The following AFG2A variants were observed in gnomAD, a reference collection of about 807,000 sequenced individuals.
AFG2A encodes ATPase family gene 2 protein homolog A.
chr4:123,006,250 A>G, the AFG2A span, among the ~76,000 whole-genome samples: 1 of 151,290 alleles, frequency 6.6e-6, no homozygotes, highest in African/African-American at 2.4e-5. Flanking sequence ...ATTTTTTTTG[A>G]AAAGAAATCT....
chr4:122,962,823 T>G, the AFG2A span, among the ~76,000 whole-genome samples: 2 of 152,216 alleles, frequency 1.3e-5, no homozygotes, highest in African/African-American at 4.8e-5. Flanking sequence ...TTAAAAAAAT[T>G]AACTACTTTC....
chr4:123,179,768 C>G, the AFG2A span, among the ~76,000 whole-genome samples: 1 of 152,146 alleles, frequency 6.6e-6, no homozygotes, highest in Non-Finnish European at 1.5e-5. Context: ...AATATCATCC[C>G]TTTGACAATA....
the AFG2A span, among the ~76,000 whole-genome samples, chr4:123,094,112 A>G: frequency 6.6e-6 from 1 of 152,174 alleles, no homozygotes; most frequent in Non-Finnish European, 1.5e-5. Context: ...GGTCCTTAAC[A>G]ATACCTGATA....
chr4:123,139,018 T>A, the AFG2A span, among the ~76,000 whole-genome samples: 1 of 152,126 alleles, frequency 6.6e-6, no homozygotes, highest in Non-Finnish European at 1.5e-5. Flanking sequence ...ATTAACCATG[T>A]GGTTTTAAGA....
chr4:123,131,097 A>G, the AFG2A span, among the ~76,000 whole-genome samples: 2 of 152,012 alleles, frequency 1.3e-5, no homozygotes, highest in Admixed American at 6.6e-5. Flanking sequence ...ATCAATTTTT[A>G]CCCTTTCAAT....
the AFG2A span, among the ~76,000 whole-genome samples, chr4:123,197,549 C>T: frequency 1.7e-3 from 253 of 152,170 alleles, no homozygotes; most frequent in Non-Finnish European, 2.0e-3. Flanking sequence ...ATGGGCAAAT[C>T]ATGAGGTCAG....
At chr4:123,182,847 C>T in the AFG2A span, among the ~76,000 whole-genome samples, 13 of 152,284 alleles carry the variant, frequency 8.5e-5, no homozygotes, top group African/African-American at 3.1e-4. Flanking sequence ...CTAGTGGTAG[C>T]TCATCTGTTG....
the AFG2A span, among the ~76,000 whole-genome samples, chr4:123,027,389 T>C: frequency 1.4e-4 from 21 of 152,332 alleles, no homozygotes; most frequent in East Asian, 3.3e-3. Flanking sequence ...CTGTCACTTT[T>C]TGGCCTGTAC....
the AFG2A span, among the ~76,000 whole-genome samples, chr4:122,951,086 A>C: frequency 6.6e-6 from 1 of 152,184 alleles, no homozygotes; most frequent in South Asian, 2.1e-4. Flanking sequence ...AGGTTGGTGT[A>C]GATGCAGTGT....
At chr4:123,278,599 A>C in the AFG2A span, among the ~76,000 whole-genome samples, 1 of 152,128 alleles carries the variant, frequency 6.6e-6, no homozygotes, top group East Asian at 1.9e-4. Context: ...TAATGCTATG[A>C]ACTTCCCTCT....
the AFG2A span, chr4:122,947,525 C>G: frequency 6.9e-7 from 1 of 1,451,982 alleles, no homozygotes; most frequent in South Asian, 1.6e-5. Context: ...TCTATTGATG[C>G]ACTTATCTCC....
chr4:123,125,150 T>G, the AFG2A span, among the ~76,000 whole-genome samples: 31 of 152,296 alleles, frequency 2.0e-4, no homozygotes, highest in East Asian at 5.6e-3. Flanking sequence ...TAGATTTTTC[T>G]AGACACGTAC....
At chr4:123,146,843 G>A in the AFG2A span, among the ~76,000 whole-genome samples, 3 of 152,166 alleles carry the variant, frequency 2.0e-5, no homozygotes, top group South Asian at 2.1e-4. Context: ...GTTTGAGTTC[G>A]TTGCAGTTGC....
the AFG2A span, among the ~76,000 whole-genome samples, chr4:123,148,894 G>A: frequency 6.6e-6 from 1 of 151,170 alleles, no homozygotes; most frequent in Non-Finnish European, 1.5e-5. Context: ...TCAGCCTCCC[G>A]AGTAGCTGGG....
At chr4:122,945,663 C>G in the AFG2A span, among the ~76,000 whole-genome samples, 2 of 152,214 alleles carry the variant, frequency 1.3e-5, no homozygotes, top group Admixed American at 6.5e-5. Flanking sequence ...GTCCTGCACC[C>G]ACTTTCTGGC....
chr4:123,270,593 A>G, the AFG2A span, among the ~76,000 whole-genome samples: 1 of 152,212 alleles, frequency 6.6e-6, no homozygotes, highest in Non-Finnish European at 1.5e-5. Flanking sequence ...GAAATAATGC[A>G]AAAAACATAG....
the AFG2A span, among the ~76,000 whole-genome samples, chr4:123,003,767 A>G: frequency 6.6e-6 from 1 of 152,052 alleles, no homozygotes; most frequent in Admixed American, 6.5e-5. Flanking sequence ...TCAGGGACCC[A>G]CTTGAGGAGG....
At chr4:123,100,876 A>C in the AFG2A span, among the ~76,000 whole-genome samples, 380 of 152,004 alleles carry the variant, frequency 2.5e-3, 11 homozygotes, top group Non-Finnish European at 5.0e-4. Context: ...AGTTTCTCCT[A>C]CTTTTCACAT....
chr4:123,126,984 C>T, the AFG2A span, among the ~76,000 whole-genome samples: 1 of 152,078 alleles, frequency 6.6e-6, no homozygotes, highest in Non-Finnish European at 1.5e-5. Context: ...ATTTTGGGAG[C>T]CTGGGGCAGG....
Sources: allele counts gnomAD v4.1 joint callset (sites outside exome capture counted in the v4.1 genomes callset), GRCh38; gene constraint gnomAD v4.1.1; transcripts MANE v1.5; gene names NCBI Gene and HGNC (gene_info 2026-07-23, HGNC 2026-07-21).